Variants in DOCK1 observed in about 807,000 individuals in gnomAD.
DOCK1 encodes the protein dedicator of cytokinesis 1, also known as dedicator of cytokinesis protein 1.
A neutral mutation model predicts 262.7 loss-of-function variants in DOCK1; 138 were observed. The ratio of observed to expected loss-of-function variants is 0.53; its 90% CI spans 0.46 to 0.61. The LOEUF is 0.61. Among genes scored for constraint, DOCK1 ranks in the 20% least tolerant of loss-of-function variants. The pLI, the probability that DOCK1 is intolerant of heterozygous loss-of-function variation, is 0.00. For missense variants in DOCK1, 1,908 were observed against 2,370.7 expected, an observed-to-expected ratio of 0.80 and a Z score of 4.05; for synonymous variants, 866 against 867.4, an observed-to-expected ratio of 1.00 and a Z score of 0.03.
intron 27 of DOCK1, among the ~76,000 whole-genome samples, chr10:127,141,438 C>T (rs997640030): frequency 6.6e-6 from 1 of 152,120 alleles, no homozygotes; most frequent in African/African-American, 2.4e-5. Context: ...CACGGTGGCT[C>T]ATGCCTGTAA....
intron 42 of DOCK1, among the ~76,000 whole-genome samples, chr10:127,410,245 T>A (rs1406326056): frequency 6.6e-6 from 1 of 152,204 alleles, no homozygotes; most frequent in African/African-American, 2.4e-5. Flanking sequence ...GTTGCAACAT[T>A]TTTTTTCAGA....
chr10:127,231,311 A>T (rs990937670), intron 27 of DOCK1, among the ~76,000 whole-genome samples: 5 of 152,084 alleles, frequency 3.3e-5, no homozygotes, highest in African/African-American at 1.2e-4. Context: ...GAAAATACGA[A>T]TTCAGTACTA....
At chr10:127,158,224 A>C (rs561052590) in intron 27 of DOCK1, among the ~76,000 whole-genome samples, 1 of 152,362 alleles carries the variant, frequency 6.6e-6, no homozygotes, top group Non-Finnish European at 1.5e-5. Context: ...TTGGAAACAC[A>C]TCAGAAAACA....
At chr10:127,068,281 G>A (rs1004794246) in intron 23 of DOCK1, among the ~76,000 whole-genome samples, 12 of 152,050 alleles carry the variant, frequency 7.9e-5, no homozygotes, top group African/African-American at 2.9e-4. Flanking sequence ...GGATCCACAC[G>A]GCTACTCACA....
At chr10:127,059,997 A>G (rs1451890404) in intron 22 of DOCK1, among the ~76,000 whole-genome samples, 2 of 152,128 alleles carry the variant, frequency 1.3e-5, no homozygotes, top group African/African-American at 2.4e-5. Flanking sequence ...CTCAGTTTTG[A>G]GGCTACACTG....
intron 44 of DOCK1, among the ~76,000 whole-genome samples, chr10:127,417,407 G>A (rs983493996): frequency 6.6e-6 from 1 of 152,118 alleles, no homozygotes; most frequent in Non-Finnish European, 1.5e-5. Flanking sequence ...GAAAGAGGGT[G>A]GAGGTCCCTG....
At chr10:127,237,381 CAA>C (rs968258621) in intron 27 of DOCK1, among the ~76,000 whole-genome samples, 15 of 131,878 alleles carry the variant, frequency 1.1e-4, no homozygotes, top group African/African-American at 3.2e-4. Context: ...AAAAAAAAGA[CAA>C]AGAGTATTAT....
intron 9 of DOCK1, 70 bp from the exon 10 acceptor site, chr10:127,000,102 T>C: frequency 1.9e-6 from 3 of 1,557,030 alleles, no homozygotes; most frequent in African/African-American, 1.4e-5. Context: ...ATTTTTTTAC[T>C]GTCCTTTTCA....
At chr10:126,991,795 C>G (rs1386838128) in intron 6 of DOCK1, among the ~76,000 whole-genome samples, 1 of 152,114 alleles carries the variant, frequency 6.6e-6, no homozygotes, top group African/African-American at 2.4e-5. Flanking sequence ...TCACAAAGTG[C>G]CAGGATTACA....
In DOCK1 at chr10:127,016,932, C is replaced by T. The variant is rs537532971; in HGVS notation, c.1202-1778C>T. ...ACAGATACACCACACACCACACACA[C>T]ACACACACCACAGACACACAGAGAT... On this transcript the variant is annotated intron_variant, in intron 12 of 51. Coordinates refer to ENST00000623213, the MANE Select transcript of DOCK1 (RefSeq NM_001290223.2). Among the ~76,000 whole-genome samples the T allele has an allele frequency of 1.8e-3, 268 of 145,400 alleles. 1 individual carries two copies. Among genetic ancestry groups the T allele is most frequent in the Non-Finnish European group, 2.9e-3 (194 of 66,766 alleles).
chr10:127,413,636 G>A (rs1028320934), intron 43 of DOCK1, among the ~76,000 whole-genome samples: 7 of 152,294 alleles, frequency 4.6e-5, no homozygotes, highest in East Asian at 3.9e-4. Flanking sequence ...GGAGCTGGCC[G>A]TAAAGCCCAG....
intron 21 of DOCK1, among the ~76,000 whole-genome samples, chr10:127,045,828 C>T (rs566644969): frequency 6.6e-6 from 1 of 152,314 alleles, no homozygotes; most frequent in African/African-American, 2.4e-5. Context: ...TATGGAGCTG[C>T]TGCAGGCTCC....
intron 23 of DOCK1, among the ~76,000 whole-genome samples, chr10:127,081,033 A>G (rs566430954): frequency 2.0e-5 from 3 of 152,128 alleles, no homozygotes; most frequent in East Asian, 3.9e-4. Context: ...ATGTTCCTGA[A>G]CCCATGGTGC....
intron 22 of DOCK1, among the ~76,000 whole-genome samples, chr10:127,058,415 G>A (rs967310456): frequency 2.6e-5 from 4 of 151,874 alleles, no homozygotes; most frequent in African/African-American, 9.7e-5. Flanking sequence ...TACTTAAGGT[G>A]TGCCTCTTAT....
At chr10:126,969,967 G>A (rs1049290128) in intron 1 of DOCK1, among the ~76,000 whole-genome samples, 9 of 152,152 alleles carry the variant, frequency 5.9e-5, no homozygotes, top group Non-Finnish European at 1.0e-4. Context: ...TTAGGTAGAG[G>A]CTGTTGGGTA....
intron 32 of DOCK1, among the ~76,000 whole-genome samples, chr10:127,356,494 A>G (rs765226478): frequency 2.2e-4 from 34 of 152,290 alleles, no homozygotes; most frequent in Middle Eastern, 3.4e-3. Flanking sequence ...ATTCATTCCA[A>G]TTGATCTCTC....
intron 29 of DOCK1, among the ~76,000 whole-genome samples, chr10:127,282,732 A>G (rs1221723669): frequency 6.6e-6 from 1 of 152,190 alleles, no homozygotes; most frequent in Admixed American, 6.5e-5. Flanking sequence ...AGTTGACTGC[A>G]TATTCTCCTC....
intron 29 of DOCK1, chr10:127,272,088 G>A (rs1383046349): frequency 6.6e-6 from 1 of 152,188 alleles, no homozygotes; most frequent in Non-Finnish European, 1.5e-5. Context: ...TTGCTGTTTT[G>A]TGGTCAACCT....
intron 22 of DOCK1, among the ~76,000 whole-genome samples, chr10:127,056,309 A>T (rs1357544973): frequency 6.6e-6 from 1 of 152,156 alleles, no homozygotes; most frequent in Non-Finnish European, 1.5e-5. Context: ...GGCTCAAGCC[A>T]TCCTCCTGCC....
Sources: allele counts gnomAD v4.1 joint callset (sites outside exome capture counted in the v4.1 genomes callset), GRCh38; gene constraint gnomAD v4.1.1; transcripts MANE v1.5; gene names NCBI Gene and HGNC (gene_info 2026-07-23, HGNC 2026-07-21).